Variants in ZNF329 observed in about 807,000 individuals in gnomAD.
ZNF329 encodes zinc finger protein 329.
A neutral mutation model predicts 26.6 loss-of-function variants in ZNF329; 15 were observed. The observed-to-expected ratio is 0.56, with a 90% CI of 0.38 to 0.87. ZNF329 has a LOEUF of 0.87. Among genes scored for constraint, ZNF329 ranks in the 40% least tolerant of loss-of-function variants. The pLI, the probability that ZNF329 is intolerant of heterozygous loss-of-function variation, is 0.00. For missense variants in ZNF329, 651 were observed against 651.9 expected, an observed-to-expected ratio of 1.00 and a Z score of 0.02; for synonymous variants, 239 against 233.5, an observed-to-expected ratio of 1.02 and a Z score of -0.21.
chr19:58,152,217 T>G (rs527901517), upstream of ZNF329, among the ~76,000 whole-genome samples: 6 of 152,232 alleles, frequency 3.9e-5, no homozygotes, highest in East Asian at 1.2e-3. Flanking sequence ...ATGGAAAGTA[T>G]TTTTTTAATT....
At chr19:58,136,347 T>C (rs2075066617) in intron 3 of ZNF329, among the ~76,000 whole-genome samples, 2 of 151,952 alleles carry the variant, frequency 1.3e-5, no homozygotes, top group Admixed American at 6.6e-5. Context: ...AGTTCCTAGA[T>C]TGAAAATGCT....
intron 1 of ZNF329, among the ~76,000 whole-genome samples, chr19:58,148,868 G>A (rs748096384): frequency 1.1e-4 from 17 of 152,206 alleles, no homozygotes; most frequent in Non-Finnish European, 2.4e-4. Context: ...GTGTGTACAA[G>A]TGTGTGTAAA....
chr19:58,134,855 G>C (rs888878662), intron 3 of ZNF329, among the ~76,000 whole-genome samples: 1 of 152,134 alleles, frequency 6.6e-6, no homozygotes, highest in Admixed American at 6.6e-5. Flanking sequence ...AGAATTGCTT[G>C]AATCTGGGAG....
intron 1 of ZNF329, among the ~76,000 whole-genome samples, chr19:58,147,719 G>A (rs2075355808): frequency 6.8e-6 from 1 of 148,016 alleles, no homozygotes; most frequent in Non-Finnish European, 1.5e-5. Context: ...GCCCCACTGG[G>A]AAGTGAGGAG....
chr19:58,140,808 C>T (rs990721376), intron 3 of ZNF329, among the ~76,000 whole-genome samples: 2 of 151,822 alleles, frequency 1.3e-5, no homozygotes, highest in African/African-American at 4.8e-5. Context: ...ATCTCCTGGG[C>T]TCAAGTGATC....
intron 1 of ZNF329, among the ~76,000 whole-genome samples, chr19:58,145,077 C>T (rs2075277298): frequency 1.3e-5 from 2 of 151,426 alleles, no homozygotes; most frequent in South Asian, 4.2e-4. Flanking sequence ...TCTCGATCTC[C>T]TGACCTCGTG....
At chr19:58,137,748 G>A (rs2075102752) in intron 3 of ZNF329, among the ~76,000 whole-genome samples, 2 of 147,092 alleles carry the variant, frequency 1.4e-5, no homozygotes, top group Admixed American at 7.0e-5. Context: ...TGGACTGCTT[G>A]AGGTCAGGAG....
chr19:58,131,761 C>T lies in ZNF329; in HGVS notation c.-8-2250G>A, dbSNP rs772031965. 1.3e-4 allele frequency among the ~76,000 whole-genome samples: 20 copies of T among 151,790 alleles called. 1 individual carries two copies. Among genetic ancestry groups the T allele is most frequent in the African/African-American group, 4.3e-4 (18 of 41,408 alleles). ...AACATTGGCTGGGAGCAGTGGGTCACGCCTGTAATCCCAGCACTTTGGGAG... is the reference window on the plus strand; with the variant it reads ...AACATTGGCTGGGAGCAGTGGGTCATGCCTGTAATCCCAGCACTTTGGGAG... On this transcript the variant is annotated intron_variant, in intron 3 of 3. Transcript: ENST00000598312.
chr19:58,151,002 T>G (rs532076099), upstream of ZNF329, among the ~76,000 whole-genome samples: 1 of 152,388 alleles, frequency 6.6e-6, no homozygotes, highest in Admixed American at 6.5e-5. Context: ...TTCCTTTTAT[T>G]TACTGCATAA....
Position 58,128,654 on chromosome 19 carries a change from C to T in ZNF329, c.850G>A (p.Glu284Lys), listed in dbSNP as rs931694164. ...LTQHQRIHTG[E>K]KPYECLECGK... ...CACTCTAGGCATTCATAAGGTTTCT[C>T]GCCTGTGTGAATTCTCTGGTGCTGT... The change falls in exon 4 of 4, where the codon GAG becomes AAG. Residue 284 changes from glutamate to lysine, a missense_variant. Glu to Lys is a moderately conservative substitution (Grantham distance 56). Coordinates refer to ENST00000598312, the MANE Select transcript of ZNF329 (RefSeq NM_024620.4). 8.1e-6 allele frequency: 13 copies of T among 1,602,528 alleles called. No individual in the cohort carries two copies. The highest frequency in any genetic ancestry group is 4.5e-5 in the East Asian group (2 of 44,824).
At chr19:58,153,711 C>T (rs1568682993), upstream of ZNF329, among the ~76,000 whole-genome samples, 1 of 151,596 alleles carries the variant, frequency 6.6e-6, no homozygotes, top group East Asian at 1.9e-4. Context: ...CAAAATGGCA[C>T]TTTTTTTTTC....
intron 3 of ZNF329, among the ~76,000 whole-genome samples, chr19:58,135,288 GAGACGGAGTCTCAC>G (rs1198689136): frequency 6.8e-6 from 1 of 148,020 alleles, no homozygotes; most frequent in Non-Finnish European, 1.5e-5. Context: ...TTTTTTTTTT[GAGACGGAGTCTCAC>G]TCTTGTCGCC....
At position 58,128,692 on chromosome 19, in the gene ZNF329, C is replaced by A; in HGVS notation, c.812G>T (p.Gly271Val). 6.2e-7 allele frequency: 1 copy of A among 1,605,530 alleles called. No homozygotes were observed. Among genetic ancestry groups the A allele is most frequent in the Non-Finnish European group, 8.5e-7 (1 of 1,175,988 alleles). The change falls in exon 4 of 4, where the codon GGC becomes GTC. Residue 271 changes from glycine (G) to valine (V), a missense_variant. Physicochemically the swap from Gly to Val is moderately radical, Grantham distance 109. Transcript: ENST00000598312. ...TCTCTGGTGCTGTGTCAGAGCTGAG[C>A]CATCACTGAAAGCTTTCCCACATTT... The part of the protein sequence containing the change: ...CSKCGKAFSD[G>V]SALTQHQRIH...
intron 3 of ZNF329, among the ~76,000 whole-genome samples, chr19:58,140,573 C>T (rs2075162600): frequency 6.6e-6 from 1 of 151,754 alleles, no homozygotes; most frequent in African/African-American, 2.4e-5. Flanking sequence ...CCACCACACC[C>T]AGCTGATTTT....
At chr19:58,147,532 C>A (rs867428926) in intron 1 of ZNF329, among the ~76,000 whole-genome samples, 3 of 134,740 alleles carry the variant, frequency 2.2e-5, no homozygotes, top group African/African-American at 5.9e-5. Context: ...AGCCGCCCCG[C>A]CCGGGAGGGA....
chr19:58,140,596 T>C (rs1198902231), intron 3 of ZNF329, among the ~76,000 whole-genome samples: 1 of 151,940 alleles, frequency 6.6e-6, no homozygotes, highest in Non-Finnish European at 1.5e-5. Flanking sequence ...GTACATTTTT[T>C]AGTAGAGATG....
Position 58,136,996 on chromosome 19 carries a change from A to AG in ZNF329, c.-9+5560_-9+5561insC, listed in dbSNP as rs548201620. ...ATAAACTCAAAGTGATATGTACCTT[A>AG]TTCCACCACTAGAAAGAAGATTCAG... On this transcript the variant is annotated intron_variant, in intron 3 of 3. Coordinates refer to ENST00000598312, the MANE Select transcript of ZNF329 (RefSeq NM_024620.4). The AG allele has an allele frequency of 5.6e-3, 1,109 of 197,700 alleles. 8 individuals carry two copies. Among genetic ancestry groups the AG allele is most frequent in the African/African-American group, 0.024 (1,005 of 42,762 alleles). The allele number at this position is 197,700 out of a possible 1,614,324, so 12.2% of individuals were successfully genotyped here. A position where few individuals can be genotyped will look rare whatever the true frequency, so the allele number is the denominator to read the frequency against.
intron 1 of ZNF329, among the ~76,000 whole-genome samples, chr19:58,147,394 G>GC: frequency 6.7e-6 from 1 of 149,176 alleles, no homozygotes; most frequent in African/African-American, 2.5e-5. Flanking sequence ...TCTCCGCCTG[G>GC]CAGCCACCCC....
Position 58,127,923 on chromosome 19 carries a change from A to G in ZNF329, c.1581T>C (p.Val527=). 1 of 1,611,134 alleles carries G rather than the reference A, an allele frequency of 6.2e-7. No individual in the cohort carries two copies. The highest frequency in any genetic ancestry group is 1.1e-5 in the South Asian group (1 of 90,748). Residue 527 remains valine, a synonymous_variant, in exon 4 of 4, where the codon GTT becomes GTC. Transcript: ENST00000598312. ...CTCCCAGGTGTGCTCTTTGATGTCG[A>G]ACAAGGGATGAGCTCTTTTGGAACA... ...GKMFQKSSSL[V]RHQRAHLGEQ... is the part of the protein sequence containing the mutation.
Sources: allele counts gnomAD v4.1 joint callset (sites outside exome capture counted in the v4.1 genomes callset), GRCh38; gene constraint gnomAD v4.1.1; transcripts MANE v1.5; gene names NCBI Gene and HGNC (gene_info 2026-07-23, HGNC 2026-07-21).